Variants in RBFOX2 observed in about 807,000 individuals in gnomAD.
RBFOX2 encodes the protein RNA binding protein fox-1 homolog 2.
In RBFOX2, 10 loss-of-function variants were observed where a neutral mutation model predicts 49.1. The observed-to-expected ratio is 0.20, with a 90% CI of 0.13 to 0.35. The LOEUF (loss-of-function observed/expected upper bound fraction) is 0.35, where lower values mean the gene tolerates loss of function less well. Ranked by LOEUF, RBFOX2 falls within the 10% of genes least tolerant of loss-of-function variation. The pLI is 1.00. For missense variants in RBFOX2, 323 were observed against 486.9 expected (o/e 0.66, Z 3.17); for synonymous variants, 183 against 187.4 (o/e 0.98, Z 0.19).
intron 1 of RBFOX2, among the ~76,000 whole-genome samples, chr22:35,868,762 C>A (rs1464628549): frequency 6.6e-6 from 1 of 152,014 alleles, no homozygotes; most frequent in Non-Finnish European, 1.5e-5. Context: ...GGGACCTAGT[C>A]CAGAGATTTC....
chr22:35,909,916 C>T (rs2049591460), intron 1 of RBFOX2, among the ~76,000 whole-genome samples: 1 of 152,178 alleles, frequency 6.6e-6, no homozygotes, highest in Non-Finnish European at 1.5e-5. Context: ...CCGGGCCTTA[C>T]TTTCTTTTTT....
At chr22:35,863,635 C>A (rs1049679698) in intron 1 of RBFOX2, among the ~76,000 whole-genome samples, 6 of 152,058 alleles carry the variant, frequency 3.9e-5, no homozygotes, top group African/African-American at 1.4e-4. Context: ...TTGTGGGAAT[C>A]CTTGGGTTAG....
intron 4 of RBFOX2, among the ~76,000 whole-genome samples, chr22:35,777,328 T>C (rs1944168753): frequency 6.6e-6 from 1 of 152,222 alleles, no homozygotes; most frequent in East Asian, 1.9e-4. Flanking sequence ...GGGAAATAAA[T>C]TTTAATTAAA....
intron 1 of RBFOX2, among the ~76,000 whole-genome samples, chr22:35,959,097 C>A (rs1041370281): frequency 3.9e-5 from 6 of 151,998 alleles, no homozygotes; most frequent in Non-Finnish European, 8.8e-5. Context: ...TTCTAAGGGA[C>A]TAGAACTACA....
At chr22:35,954,488 T>C (rs1055901973) in intron 1 of RBFOX2, among the ~76,000 whole-genome samples, 1 of 152,180 alleles carries the variant, frequency 6.6e-6, no homozygotes, top group Admixed American at 6.5e-5. Flanking sequence ...ATTACTCTAA[T>C]AGTCTCTTGG....
chr22:35,809,734 A>C, intron 2 of RBFOX2, 46 bp downstream of exon 3: 1 of 1,573,568 alleles, frequency 6.4e-7, no homozygotes, highest in South Asian at 1.1e-5. Context: ...CAATTTCTAT[A>C]TGATTGCCAT....
intron 1 of RBFOX2, among the ~76,000 whole-genome samples, chr22:35,877,533 A>G (rs1476404651): frequency 6.6e-6 from 1 of 152,218 alleles, no homozygotes; most frequent in Non-Finnish European, 1.5e-5. Flanking sequence ...AACGGTAACA[A>G]TCATAACTAA....
chr22:35,789,769 C>T (rs1043547584), intron 2 of RBFOX2, among the ~76,000 whole-genome samples: 2 of 152,106 alleles, frequency 1.3e-5, no homozygotes, highest in Non-Finnish European at 2.9e-5. Flanking sequence ...CTCCCTGTAA[C>T]GTGGTGGTGG....
chr22:35,823,869 G>A (rs1434281652), intron 1 of RBFOX2, among the ~76,000 whole-genome samples: 1 of 152,204 alleles, frequency 6.6e-6, no homozygotes, highest in Non-Finnish European at 1.5e-5. Context: ...TAAATATGTG[G>A]CCGGATGCAG....
intron 1 of RBFOX2, among the ~76,000 whole-genome samples, chr22:35,849,819 T>A (rs1031448314): frequency 1.3e-5 from 2 of 152,096 alleles, no homozygotes; most frequent in African/African-American, 4.8e-5. Context: ...CCAACAGGAT[T>A]TGACAATACA....
chr22:35,865,975 AG>A (rs1427468213), intron 1 of RBFOX2, among the ~76,000 whole-genome samples: 1 of 152,250 alleles, frequency 6.6e-6, no homozygotes, highest in Non-Finnish European at 1.5e-5. Flanking sequence ...CACTGTAGCC[AG>A]TGTGTCTAAG....
At chr22:35,868,550 G>A (rs1243183329) in intron 1 of RBFOX2, among the ~76,000 whole-genome samples, 2 of 151,778 alleles carry the variant, frequency 1.3e-5, no homozygotes, top group African/African-American at 4.8e-5. Flanking sequence ...AGGAGTTCAA[G>A]ACCAGCCTGG....
At chr22:35,771,863 A>G in intron 4 of RBFOX2, among the ~76,000 whole-genome samples, 1 of 152,192 alleles carries the variant, frequency 6.6e-6, no homozygotes. Context: ...CAGGTTTAAA[A>G]GTTATCAGTA....
rs143210573 is a variant in RBFOX2 at position 36,004,775 on chromosome 22, G to A, written c.186+23465C>T. 4.1e-3 allele frequency among the ~76,000 whole-genome samples: 623 copies of A among 151,856 alleles called. 38 individuals are homozygous for A. The East Asian group carries it at 0.11, about 26-fold the overall frequency. ...CACACCATTGTACTCCAGCCTGGGC[G>A]ACAAGAGTGAAACTCTGTCTCAAAA... On this transcript the variant is annotated intron_variant, in intron 1 of 13. Transcript: ENST00000438146.
At chr22:35,948,226 A>G (rs1358586482) in intron 1 of RBFOX2, among the ~76,000 whole-genome samples, 1 of 152,176 alleles carries the variant, frequency 6.6e-6, no homozygotes, top group Non-Finnish European at 1.5e-5. Context: ...CACACAGCCC[A>G]GGTATGACAA....
At chr22:35,780,003 C>T (rs925845521) in intron 3 of RBFOX2, among the ~76,000 whole-genome samples, 7 of 152,138 alleles carry the variant, frequency 4.6e-5, no homozygotes, top group Admixed American at 2.0e-4. Context: ...TTTATATAAG[C>T]TCTAATAATT....
chr22:35,862,358 GGTTA>G (rs1467137343), intron 1 of RBFOX2, among the ~76,000 whole-genome samples: 2 of 149,692 alleles, frequency 1.3e-5, no homozygotes, highest in African/African-American at 4.9e-5. Flanking sequence ...ATTTTTGAAG[GGTTA>G]GTTATTTTCT....
chr22:35,884,171 A>G (rs1308615878), intron 1 of RBFOX2, among the ~76,000 whole-genome samples: 1 of 151,576 alleles, frequency 6.6e-6, no homozygotes, highest in Non-Finnish European at 1.5e-5. Context: ...TAATTTTTGT[A>G]TTTTTAGTAG....
intron 1 of RBFOX2, among the ~76,000 whole-genome samples, chr22:35,989,719 G>A (rs1473791498): frequency 1.3e-5 from 2 of 152,230 alleles, no homozygotes; most frequent in African/African-American, 2.4e-5. Context: ...CAGAAAGGAC[G>A]AAAAGTGGCA....
Sources: gnomAD v4.1 joint callset for allele counts (sites outside exome capture counted in the v4.1 genomes callset) on GRCh38, gnomAD v4.1.1 for gene constraint, MANE v1.5 for transcripts, NCBI Gene and HGNC (gene_info 2026-07-23, HGNC 2026-07-21) for gene names.